The following ALCAM variants were observed in gnomAD, a reference collection of about 807,000 sequenced individuals.
ALCAM encodes the protein activated leukocyte cell adhesion molecule.
ALCAM carries 30 observed loss-of-function variants against 70.9 expected under a neutral mutation model. That is an observed-to-expected ratio of 0.42 (90% CI 0.32 to 0.57). The LOEUF is 0.57. Ranked by LOEUF, ALCAM falls within the 20% of genes least tolerant of loss-of-function variation. The pLI, the probability that ALCAM is intolerant of heterozygous loss-of-function variation, is 0.11. For missense variants in ALCAM, 591 were observed against 695.1 expected, an observed-to-expected ratio of 0.85 and a Z score of 1.68; for synonymous variants, 249 against 242.5, an observed-to-expected ratio of 1.03 and a Z score of -0.25.
At chr3:105,369,652 G>T (rs1935175700) in intron 1 of ALCAM, among the ~76,000 whole-genome samples, 1 of 152,208 alleles carries the variant, frequency 6.6e-6, no homozygotes, top group South Asian at 2.1e-4. Context: ...CCAAAGGCCG[G>T]CTTCATTTGA....
At chr3:105,491,028 T>G (rs1938569972) in intron 1 of ALCAM, among the ~76,000 whole-genome samples, 1 of 152,350 alleles carries the variant, frequency 6.6e-6, no homozygotes, top group South Asian at 2.1e-4. Flanking sequence ...TGCCTGGACA[T>G]CCAGGCATTT....
chr3:105,399,917 G>A lies in ALCAM; in HGVS notation c.73+32436G>A, dbSNP rs545338294. The stretch of plus-strand genomic sequence containing the variant: ...GTTAGCAGACAGCCTACATCCCTTC[G>A]TATAAAAACTGTTCTTAAAAAGTAG... On this transcript the variant is annotated intron_variant, in intron 1 of 15. Transcript: ENST00000306107. Among the ~76,000 whole-genome samples, 24 of 152,120 alleles carry A rather than the reference G, an allele frequency of 1.6e-4. No individual in the cohort carries two copies. In the East Asian group the frequency reaches 2.9e-3, roughly 18 times the overall value.
rs571711624 is a variant in ALCAM, at chr3:105,438,583, T to C, written c.73+71102T>C. Reference sequence around the variant, plus strand: ...ATCTAATTATTATGCAAACATTTTATTAGGTATATAGGTTTTATTATTTTC... The same window carrying C: ...ATCTAATTATTATGCAAACATTTTACTAGGTATATAGGTTTTATTATTTTC... On this transcript the variant is annotated intron_variant, in intron 1 of 15. Transcript: ENST00000306107. 5.9e-5 allele frequency among the ~76,000 whole-genome samples: 9 copies of C among 152,364 alleles called. No homozygotes were observed. The South Asian group carries it at 1.9e-3, about 32-fold the overall frequency.
Position 105,532,003 on chromosome 3 carries a change from G to A in ALCAM, c.396G>A (p.Lys132=), listed in dbSNP as rs1357676381. ...AAATCTTTCTCTGCTTAACTTTAGA[G>A]CAACCATCTAAACCTGAAATTGTAA... The part of the protein sequence containing the change: ...FEAPTIVKVF[K]QPSKPEIVSK... The change falls in exon 4 of 16, where the codon AAG becomes AAA. Residue 132 remains lysine (K), a splice_region_variant and synonymous_variant. Coordinates refer to ENST00000306107, the MANE Select transcript of ALCAM (RefSeq NM_001627.4). The A allele has an allele frequency of 3.1e-6, 5 of 1,612,748 alleles. No individual in the cohort carries two copies. Among genetic ancestry groups the A allele is most frequent in the Non-Finnish European group, 4.2e-6 (5 of 1,179,392 alleles).
chr3:105,475,073 A>G (rs1938065164), intron 1 of ALCAM, among the ~76,000 whole-genome samples: 1 of 151,878 alleles, frequency 6.6e-6, no homozygotes, highest in African/African-American at 2.4e-5. Context: ...TATAGCCAGC[A>G]TCACCCATTT....
rs530348315 is a variant in ALCAM, at chr3:105,370,307, T to A, written c.73+2826T>A. On this transcript the variant is annotated intron_variant, in intron 1 of 15. Transcript: ENST00000306107. Reference sequence around the variant, plus strand: ...TGTTTAACAGCCAATATATATATATTTTTTCCTTAAGGATTTATTTAATCC... The same window carrying A: ...TGTTTAACAGCCAATATATATATATATTTTCCTTAAGGATTTATTTAATCC... Among the ~76,000 whole-genome samples, 371 of 152,284 alleles carry A rather than the reference T, an allele frequency of 2.4e-3. 1 individual carries two copies. Among genetic ancestry groups the A allele is most frequent in the African/African-American group, 8.2e-3 (339 of 41,546 alleles).
chr3:105,503,037 A>G (rs1358850206), intron 1 of ALCAM, among the ~76,000 whole-genome samples: 2 of 152,374 alleles, frequency 1.3e-5, no homozygotes, highest in African/African-American at 4.8e-5. Context: ...AGCTTAAGAA[A>G]ACAAACAACA....
chr3:105,474,850 T>C (rs1288662814), intron 1 of ALCAM, among the ~76,000 whole-genome samples: 1 of 151,786 alleles, frequency 6.6e-6, no homozygotes, highest in Non-Finnish European at 1.5e-5. Context: ...TGTTGTTTTT[T>C]TGTCACATAT....
intron 1 of ALCAM, among the ~76,000 whole-genome samples, chr3:105,426,184 T>C (rs916238852): frequency 5.9e-5 from 9 of 151,994 alleles, no homozygotes; most frequent in Admixed American, 3.9e-4. Context: ...CTAAGCTCTC[T>C]GGGCCTTAGT....
intron 3 of ALCAM, among the ~76,000 whole-genome samples, chr3:105,525,970 T>G (rs1205157306): frequency 6.6e-6 from 1 of 152,242 alleles, no homozygotes; most frequent in South Asian, 2.1e-4. Context: ...TTTTCTTTTC[T>G]TCTATTTCAC....
intron 1 of ALCAM, among the ~76,000 whole-genome samples, chr3:105,498,444 T>C (rs1938820757): frequency 6.6e-6 from 1 of 152,116 alleles, no homozygotes. Flanking sequence ...ATAATGACAT[T>C]TGTCTTGAGT....
intron 1 of ALCAM, among the ~76,000 whole-genome samples, chr3:105,396,561 A>G (rs1362318169): frequency 3.3e-5 from 5 of 152,040 alleles, no homozygotes; most frequent in African/African-American, 4.8e-5. Context: ...ATTAGTACAA[A>G]TTGAGTTTTT....
intron 2 of ALCAM, 47 bp downstream of exon 2, chr3:105,520,214 A>G (rs1306785001): frequency 1.5e-6 from 2 of 1,323,366 alleles, no homozygotes; most frequent in Admixed American, 1.7e-5. Context: ...TTGTTCTTTT[A>G]AATAAAATTC....
chr3:105,427,813 C>T (rs376729487), intron 1 of ALCAM, among the ~76,000 whole-genome samples: 12 of 151,832 alleles, frequency 7.9e-5, no homozygotes, highest in Admixed American at 4.6e-4. Flanking sequence ...CTTCCATAGG[C>T]TCTTCTGAAA....
At chr3:105,529,148 C>A (rs1939777540) in intron 3 of ALCAM, among the ~76,000 whole-genome samples, 1 of 152,056 alleles carries the variant, frequency 6.6e-6, no homozygotes, top group South Asian at 2.1e-4. Context: ...TTAAGATAGC[C>A]AGGTCAGCAA....
intron 1 of ALCAM, among the ~76,000 whole-genome samples, chr3:105,424,282 A>G (rs1450801358): frequency 6.6e-6 from 1 of 151,726 alleles, no homozygotes; most frequent in Non-Finnish European, 1.5e-5. Flanking sequence ...CCTCACAATA[A>G]GCCTGTTGGG....
intron 1 of ALCAM, among the ~76,000 whole-genome samples, chr3:105,452,177 G>A (rs1206938565): frequency 6.6e-6 from 1 of 151,596 alleles, no homozygotes. Context: ...GTGCCATGGT[G>A]GTTTGCTGCA....
chr3:105,410,810 A>T (rs1245338220), intron 1 of ALCAM, among the ~76,000 whole-genome samples: 2 of 147,488 alleles, frequency 1.4e-5, no homozygotes, highest in Non-Finnish European at 3.0e-5. Flanking sequence ...ATGAAGAATA[A>T]ATATTAGAAA....
intron 1 of ALCAM, among the ~76,000 whole-genome samples, chr3:105,489,230 C>T (rs1166214370): frequency 6.6e-6 from 1 of 152,152 alleles, no homozygotes; most frequent in Non-Finnish European, 1.5e-5. Flanking sequence ...AAATCATGTG[C>T]AAATATTATC....
Sources: gnomAD v4.1 joint callset for allele counts (sites outside exome capture counted in the v4.1 genomes callset) on GRCh38, gnomAD v4.1.1 for gene constraint, MANE v1.5 for transcripts, NCBI Gene and HGNC (gene_info 2026-07-23, HGNC 2026-07-21) for gene names.